ARHGAP6: variants seen among roughly 807,000 people sequenced by gnomAD.
ARHGAP6 encodes the protein Rho GTPase activating protein 6.
Under a neutral mutation model 55.7 loss-of-function variants are expected in ARHGAP6, and 16 were observed. The observed-to-expected ratio is 0.29, with a 90% confidence interval of 0.19 to 0.44. The LOEUF (loss-of-function observed/expected upper bound fraction) is 0.44. Among genes scored for constraint, ARHGAP6 ranks in the 20% least tolerant of loss-of-function variants. The probability of loss-of-function intolerance (pLI) is 1.00; values close to 1 mark genes in which losing one functional copy is unlikely to be tolerated. For synonymous variants in ARHGAP6, 382 were observed against 360.9 expected, an observed-to-expected ratio of 1.06 and a Z score of -0.66; for missense variants, 698 against 808.9, an observed-to-expected ratio of 0.86 and a Z score of 1.66.
chrX:11,586,779 G>A (rs899968661), intron 1 of ARHGAP6, among the ~76,000 whole-genome samples: 2 of 111,765 alleles, frequency 1.8e-5, no homozygotes, highest in South Asian at 3.7e-4. Context: ...CCATTTTCAC[G>A]ATATTGATTC....
At chrX:11,613,758 A>G (rs2052130507) in intron 1 of ARHGAP6, among the ~76,000 whole-genome samples, 1 of 112,412 alleles carries the variant, frequency 8.9e-6, no homozygotes, top group Non-Finnish European at 1.9e-5. Flanking sequence ...AAATGGACTC[A>G]CACTCTTAGG....
Position 11,503,861 on chromosome X carries a change from CAAAG to C in ARHGAP6, c.588+160376_588+160379del, listed in dbSNP as rs757456908. ...CCATTTGCACACACACACACACACA[CAAAG>C]AGACACACATACACACACACAAACA... On this transcript the variant is annotated intron_variant, in intron 1 of 12. Coordinates refer to ENST00000337414, the MANE Select transcript of ARHGAP6 (RefSeq NM_013427.3). Among the ~76,000 whole-genome samples, 738 of 95,099 alleles carry C rather than the reference CAAAG, an allele frequency of 7.8e-3. 2 individuals carry two copies. Among genetic ancestry groups the C allele is most frequent in the Non-Finnish European group, 0.012 (581 of 49,679 alleles). The allele number at this position is 95,099 out of a possible 115,157, so 82.6% of individuals were successfully genotyped here.
chrX:11,598,929 A>G (rs1412696057), intron 1 of ARHGAP6, among the ~76,000 whole-genome samples: 1 of 110,732 alleles, frequency 9.0e-6, no homozygotes, highest in Admixed American at 9.7e-5. Flanking sequence ...ATAGTGGGGC[A>G]TGCATGTGTT....
intron 1 of ARHGAP6, among the ~76,000 whole-genome samples, chrX:11,276,966 A>T (rs1011673216): frequency 9.0e-6 from 1 of 111,692 alleles, no homozygotes; most frequent in African/African-American, 3.3e-5. Flanking sequence ...ATAGTGTACA[A>T]CCATCATCAC....
At chrX:11,177,301 A>C (rs761176565) in intron 8 of ARHGAP6, among the ~76,000 whole-genome samples, 3 of 107,889 alleles carry the variant, frequency 2.8e-5, no homozygotes, top group Non-Finnish European at 5.8e-5. Flanking sequence ...GGTGAAACAA[A>C]AAAAAAAATC....
At chrX:11,409,503 C>T (rs183064083) in intron 1 of ARHGAP6, among the ~76,000 whole-genome samples, 1 of 112,170 alleles carries the variant, frequency 8.9e-6, no homozygotes, top group East Asian at 2.8e-4. Flanking sequence ...CAAGGTGACA[C>T]TGTGAAGGTG....
intron 1 of ARHGAP6, among the ~76,000 whole-genome samples, chrX:11,410,959 A>C (rs1300099531): frequency 9.3e-6 from 1 of 107,914 alleles, no homozygotes; most frequent in Non-Finnish European, 1.9e-5. Flanking sequence ...AGAAAAAATA[A>C]AAAGAGAGAA....
At chrX:11,139,577 T>A (rs752173683) in intron 12 of ARHGAP6, 47 bp from the exon 13 acceptor site, 1 of 1,097,478 alleles carries the variant, frequency 9.1e-7, no homozygotes, top group Non-Finnish European at 1.2e-6. Context: ...GTTTGTAGAA[T>A]CCTTGCTGGG....
intron 1 of ARHGAP6, among the ~76,000 whole-genome samples, chrX:11,347,214 AATCTT>A (rs2048800680): frequency 8.9e-6 from 1 of 112,538 alleles, no homozygotes; most frequent in Non-Finnish European, 1.9e-5. Flanking sequence ...ATAGAAAAGT[AATCTT>A]TTCTTTCAGT....
At chrX:11,260,037 T>TAG (rs1193296965) in intron 1 of ARHGAP6, among the ~76,000 whole-genome samples, 2 of 110,524 alleles carry the variant, frequency 1.8e-5, no homozygotes, top group African/African-American at 6.6e-5. Flanking sequence ...AGGAGAGAGG[T>TAG]AGAGGCAGAA....
At chrX:11,254,810 C>G in intron 1 of ARHGAP6, 103 bp from the exon 2 acceptor site, 1 of 970,346 alleles carries the variant, frequency 1.0e-6, no homozygotes, top group Non-Finnish European at 1.3e-6. Context: ...AGCAAACCAC[C>G]TTTGTGTTCC....
At position 11,156,621 on chromosome X, in the gene ARHGAP6, G is replaced by C. The variant is rs2045866775; in HGVS notation, c.1815C>G (p.Pro605=). Residue 605 remains proline, a synonymous_variant, in exon 10 of 13, where the codon CCC becomes CCG. Transcript: ENST00000337414. ...TCAGCACTTCGTTCTGGAGATCTGG[G>C]GGAACCTGAAGGAGCCAAATGTTGA... ...IENYEALFMV[P]PDLQNEVLIS... 1 of 1,206,107 alleles carries C rather than the reference G, an allele frequency of 8.3e-7. No individual in the cohort carries two copies. Among genetic ancestry groups the C allele is most frequent in the Admixed American group, 2.2e-5 (1 of 45,597 alleles).
intron 1 of ARHGAP6, among the ~76,000 whole-genome samples, chrX:11,577,986 C>T (rs1358225145): frequency 9.0e-6 from 1 of 111,043 alleles, no homozygotes; most frequent in African/African-American, 3.3e-5. Context: ...ACCTAGCATA[C>T]TCACCAGCAT....
chrX:11,336,399 C>T (rs1441559178), intron 1 of ARHGAP6, among the ~76,000 whole-genome samples: 1 of 111,539 alleles, frequency 9.0e-6, no homozygotes, highest in Non-Finnish European at 1.9e-5. Flanking sequence ...TAGACAATCA[C>T]CCCAGCTTTA....
chrX:11,591,425 C>T (rs1044339061), intron 1 of ARHGAP6, among the ~76,000 whole-genome samples: 3 of 106,389 alleles, frequency 2.8e-5, no homozygotes, highest in Non-Finnish European at 5.8e-5. Flanking sequence ...AATTTAAAGC[C>T]TCTATTATTA....
At chrX:11,277,153 G>C (rs2047782448) in intron 1 of ARHGAP6, among the ~76,000 whole-genome samples, 2 of 111,452 alleles carry the variant, frequency 1.8e-5, no homozygotes, top group Admixed American at 9.6e-5. Context: ...TTTGTGTCTG[G>C]TTTCTTTCAC....
chrX:11,303,785 C>T (rs773627323), intron 1 of ARHGAP6, among the ~76,000 whole-genome samples: 2 of 111,283 alleles, frequency 1.8e-5, no homozygotes, highest in Non-Finnish European at 3.8e-5. Context: ...ATAACCAAAC[C>T]GTTTGATTCA....
chrX:11,308,272 T>C (rs746309204), intron 1 of ARHGAP6, among the ~76,000 whole-genome samples: 1 of 112,244 alleles, frequency 8.9e-6, no homozygotes, highest in Non-Finnish European at 1.9e-5. Flanking sequence ...TTAGGCTCTG[T>C]GAACACTTCG....
intron 1 of ARHGAP6, among the ~76,000 whole-genome samples, chrX:11,507,864 A>C (rs945526819): frequency 1.8e-5 from 2 of 112,176 alleles, no homozygotes; most frequent in African/African-American, 6.5e-5. Flanking sequence ...AGCCTCAGAG[A>C]GACTTCTAGT....
Sources: allele counts gnomAD v4.1 joint callset (sites outside exome capture counted in the v4.1 genomes callset), GRCh38; gene constraint gnomAD v4.1.1; transcripts MANE v1.5; gene names NCBI Gene and HGNC (gene_info 2026-07-23, HGNC 2026-07-21).